GALNT17: variants seen among roughly 807,000 people sequenced by gnomAD.
GALNT17 encodes the protein polypeptide N-acetylgalactosaminyltransferase 17.
GALNT17 carries 29 observed loss-of-function variants against 63.7 expected under a neutral mutation model. The observed-to-expected ratio is 0.46, with a 90% CI of 0.34 to 0.62. The LOEUF is 0.62. Among genes scored for constraint, GALNT17 ranks in the 20% least tolerant of loss-of-function variants. The probability of loss-of-function intolerance (pLI) is 0.01; values close to 1 mark genes in which losing one functional copy is unlikely to be tolerated. For synonymous variants in GALNT17, 305 were observed against 318.3 expected, an observed-to-expected ratio of 0.96 and a Z score of 0.45; for missense variants, 603 against 799.6, an observed-to-expected ratio of 0.75 and a Z score of 2.97.
intron 6 of GALNT17, among the ~76,000 whole-genome samples, chr7:71,612,988 G>A (rs1330847428): frequency 6.6e-6 from 1 of 152,178 alleles, no homozygotes; most frequent in Non-Finnish European, 1.5e-5. Context: ...ACAGCCTGAA[G>A]GTGGTTAACG....
chr7:71,577,098 A>C (rs1789551569), intron 6 of GALNT17, among the ~76,000 whole-genome samples: 1 of 152,182 alleles, frequency 6.6e-6, no homozygotes, highest in Non-Finnish European at 1.5e-5. Flanking sequence ...ATCCTAAGTG[A>C]ATTAACACAA....
chr7:71,256,289 G>T (rs1023710887), intron 1 of GALNT17, among the ~76,000 whole-genome samples: 1 of 152,116 alleles, frequency 6.6e-6, no homozygotes, highest in Non-Finnish European at 1.5e-5. Flanking sequence ...ACCAAGTTAT[G>T]GGCTAGGCGT....
chr7:71,535,023 A>C (rs1383786238), intron 5 of GALNT17, among the ~76,000 whole-genome samples: 1 of 151,588 alleles, frequency 6.6e-6, no homozygotes, highest in Non-Finnish European at 1.5e-5. Context: ...AGTACATACA[A>C]CCCTCGTCCC....
intron 6 of GALNT17, among the ~76,000 whole-genome samples, chr7:71,649,364 A>T (rs1051038396): frequency 6.6e-6 from 1 of 152,204 alleles, no homozygotes; most frequent in Non-Finnish European, 1.5e-5. Flanking sequence ...GAGAAAGATC[A>T]TTGGTCAGCC....
At chr7:71,211,514 G>A (rs566653634) in intron 1 of GALNT17, among the ~76,000 whole-genome samples, 20 of 152,278 alleles carry the variant, frequency 1.3e-4, no homozygotes, top group African/African-American at 4.8e-4. Flanking sequence ...GCAGAGTGGG[G>A]TGTTGCTGAA....
chr7:71,223,171 G>A (rs1562928237), intron 1 of GALNT17, among the ~76,000 whole-genome samples: 1 of 152,146 alleles, frequency 6.6e-6, no homozygotes, highest in Non-Finnish European at 1.5e-5. Flanking sequence ...ATACTCGGAG[G>A]CTATGCAAAT....
intron 5 of GALNT17, among the ~76,000 whole-genome samples, chr7:71,442,870 C>T (rs1414334003): frequency 2.0e-5 from 3 of 152,190 alleles, no homozygotes; most frequent in Admixed American, 6.5e-5. Flanking sequence ...GTCCTTTATA[C>T]ACTTGGTAGG....
intron 6 of GALNT17, among the ~76,000 whole-genome samples, chr7:71,600,474 A>G (rs1166976014): frequency 6.6e-6 from 1 of 151,844 alleles, no homozygotes; most frequent in Non-Finnish European, 1.5e-5. Context: ...AACTGTAATC[A>G]TTCCCCACGT....
chr7:71,602,267 G>T (rs922534058), intron 6 of GALNT17, among the ~76,000 whole-genome samples: 1 of 152,094 alleles, frequency 6.6e-6, no homozygotes, highest in African/African-American at 2.4e-5. Flanking sequence ...GACAAATATT[G>T]CTCTCTTCTC....
chr7:71,639,839 C>G (rs977324166), intron 6 of GALNT17, among the ~76,000 whole-genome samples: 6 of 152,098 alleles, frequency 3.9e-5, no homozygotes, highest in African/African-American at 7.2e-5. Context: ...TAGGTAATCT[C>G]TTTCAGAGGG....
chr7:71,187,917 T>A (rs760443891), intron 1 of GALNT17, among the ~76,000 whole-genome samples: 7 of 152,164 alleles, frequency 4.6e-5, no homozygotes, highest in Non-Finnish European at 8.8e-5. Context: ...ATTGTATCAT[T>A]CTTATGCCTT....
chr7:71,498,902 C>T (rs898130343), intron 5 of GALNT17, among the ~76,000 whole-genome samples: 1 of 152,174 alleles, frequency 6.6e-6, no homozygotes, highest in Non-Finnish European at 1.5e-5. Flanking sequence ...AATGTAGAAG[C>T]TCTGAGTTAA....
intron 6 of GALNT17, among the ~76,000 whole-genome samples, chr7:71,645,915 G>C (rs10243782): frequency 6.6e-6 from 1 of 151,942 alleles, no homozygotes; most frequent in African/African-American, 2.4e-5. Context: ...TTGTGCCTAG[G>C]CCTAAGTGAA....
At chr7:71,294,920 C>T (rs117210296) in intron 1 of GALNT17, among the ~76,000 whole-genome samples, 1,842 of 152,276 alleles carry the variant, frequency 0.012, 17 homozygotes, top group Middle Eastern at 0.027. Context: ...TCCCCTCTCT[C>T]CTGATGCTGC....
chr7:71,599,471 T>G (rs765426943), intron 6 of GALNT17, among the ~76,000 whole-genome samples: 8 of 152,052 alleles, frequency 5.3e-5, no homozygotes, highest in Non-Finnish European at 7.4e-5. Context: ...AGCCCCAAGT[T>G]TGAGTCTTGT....
At chr7:71,616,973 T>C (rs959290282) in intron 6 of GALNT17, among the ~76,000 whole-genome samples, 2 of 46,040 alleles carry the variant, frequency 4.3e-5, no homozygotes, top group African/African-American at 7.2e-5. Flanking sequence ...TATATGAATA[T>C]ATTAGTTCTA....
At chr7:71,148,936 TTTG>T (rs1343400910) in intron 1 of GALNT17, among the ~76,000 whole-genome samples, 1 of 149,816 alleles carries the variant, frequency 6.7e-6, no homozygotes, top group African/African-American at 2.5e-5. Flanking sequence ...ATTTTGTTGT[TTTG>T]TTGTTGTTTT....
At chr7:71,162,144 C>CCTTT (rs1554334500) in intron 1 of GALNT17, among the ~76,000 whole-genome samples, 58 of 130,372 alleles carry the variant, frequency 4.4e-4, no homozygotes, top group African/African-American at 1.5e-3. Context: ...TTCCTTCCTT[C>CCTTT]CTTCCTTCCT....
At chr7:71,345,147 G>GTTTTTTTTTTTTGTTTTTTTTTT (rs1792069086) in intron 2 of GALNT17, among the ~76,000 whole-genome samples, 1 of 139,452 alleles carries the variant, frequency 7.2e-6, no homozygotes, top group Non-Finnish European at 1.6e-5. Flanking sequence ...GTTGTTTTTT[G>GTTTTTTTTTTTTGTTTTTTTTTT]TTTTTTTTTT....
Sources: gnomAD v4.1 joint callset for allele counts (sites outside exome capture counted in the v4.1 genomes callset) on GRCh38, gnomAD v4.1.1 for gene constraint, MANE v1.5 for transcripts, NCBI Gene and HGNC (gene_info 2026-07-23, HGNC 2026-07-21) for gene names.